The following BCAS3 variants were observed in gnomAD, a reference collection of about 807,000 sequenced individuals.
BCAS3 encodes the protein BCAS4/BCAS3 fusion.
BCAS3 carries 53 observed loss-of-function variants against 116.1 expected under a neutral mutation model. The observed-to-expected ratio is 0.46, with a 90% CI of 0.37 to 0.57. BCAS3 has a LOEUF of 0.57. BCAS3 is among the 20% of genes least tolerant of loss of function. The probability of loss-of-function intolerance (pLI) is 0.00; values close to 1 mark genes in which losing one functional copy is unlikely to be tolerated. For missense variants in BCAS3, 917 were observed against 1,165.4 expected (o/e 0.79, Z 3.10); for synonymous variants, 391 against 408.2 (o/e 0.96, Z 0.51).
chr17:61,110,520 T>C (rs1321340784), intron 22 of BCAS3, among the ~76,000 whole-genome samples: 3 of 151,938 alleles, frequency 2.0e-5, no homozygotes, highest in East Asian at 1.9e-4. Flanking sequence ...CACCTGAATA[T>C]TGCGCTTTTC....
intron 22 of BCAS3, among the ~76,000 whole-genome samples, chr17:61,201,193 T>C (rs1243417520): frequency 6.6e-6 from 1 of 152,220 alleles, no homozygotes; most frequent in Admixed American, 6.5e-5. Context: ...CATTCGCAGG[T>C]ATCTGCTAGA....
intron 8 of BCAS3, among the ~76,000 whole-genome samples, chr17:60,871,604 TTG>T: frequency 6.6e-6 from 1 of 151,600 alleles, no homozygotes; most frequent in African/African-American, 2.4e-5. Context: ...TGGTTTGTTT[TTG>T]TTTTTTTTTT....
intron 7 of BCAS3, among the ~76,000 whole-genome samples, chr17:60,852,919 T>C (rs1346317993): frequency 6.6e-6 from 1 of 152,248 alleles, no homozygotes; most frequent in African/African-American, 2.4e-5. Context: ...ACTCATACCA[T>C]AAGATTAACC....
intron 7 of BCAS3, among the ~76,000 whole-genome samples, chr17:60,840,205 A>G (rs2051770959): frequency 6.6e-6 from 1 of 152,132 alleles, no homozygotes; most frequent in Admixed American, 6.5e-5. Flanking sequence ...ATGAAACTTG[A>G]GTTTTGGAAT....
At chr17:60,809,079 A>G (rs2048545833) in intron 7 of BCAS3, among the ~76,000 whole-genome samples, 1 of 151,934 alleles carries the variant, frequency 6.6e-6, no homozygotes, top group Non-Finnish European at 1.5e-5. Flanking sequence ...AGGTCAGGAG[A>G]TTGAGACCAG....
chr17:61,369,996 C>G (rs1603116469), intron 23 of BCAS3, among the ~76,000 whole-genome samples: 1 of 152,296 alleles, frequency 6.6e-6, no homozygotes. Context: ...TGGCTCTTCT[C>G]TCCCACCGCC....
chr17:60,947,971 C>T (rs993227106), intron 14 of BCAS3, among the ~76,000 whole-genome samples: 2 of 152,140 alleles, frequency 1.3e-5, no homozygotes, highest in East Asian at 1.9e-4. Context: ...TAAACATTTA[C>T]CAGCAGATAA....
In BCAS3 at chr17:61,346,826, G is replaced by A. The variant is rs1364549978; in HGVS notation, c.2426-21501G>A. Among the ~76,000 whole-genome samples, 1 of 152,196 alleles carries A rather than the reference G, an allele frequency of 6.6e-6. No individual in the cohort carries two copies. The highest frequency in any genetic ancestry group is 1.5e-5 in the Non-Finnish European group (1 of 68,048). The stretch of plus-strand genomic sequence containing the variant: ...GGGTTAGCATGTGCTGTGGGGATGT[G>A]GTAGAGGGACTGGTTCCTCATCCAG... On this transcript the variant is annotated intron_variant, in intron 22 of 23. Transcript: ENST00000407086. The surrounding 1 kb of genome is among the most constrained non-coding windows in gnomAD (Gnocchi z 5.4).
chr17:61,091,677 T>C (rs1255658820), intron 22 of BCAS3, among the ~76,000 whole-genome samples: 1 of 152,212 alleles, frequency 6.6e-6, no homozygotes, highest in African/African-American at 2.4e-5. Context: ...CTGGATATTG[T>C]TGAGAACTGT....
intron 22 of BCAS3, among the ~76,000 whole-genome samples, chr17:61,094,471 T>C (rs937470446): frequency 1.3e-5 from 2 of 152,242 alleles, no homozygotes; most frequent in African/African-American, 4.8e-5. Context: ...TTACCAATAA[T>C]AACATTCTAG....
chr17:60,904,263 G>T (rs1270000344), intron 11 of BCAS3, among the ~76,000 whole-genome samples: 1 of 152,032 alleles, frequency 6.6e-6, no homozygotes. Flanking sequence ...TATTAGCTGG[G>T]CATGGTGGCG....
chr17:60,923,087 C>T (rs1822267479), intron 12 of BCAS3, among the ~76,000 whole-genome samples: 1 of 152,016 alleles, frequency 6.6e-6, no homozygotes, highest in Non-Finnish European at 1.5e-5. Context: ...TAATAAAGAT[C>T]TGGATAGAAG....
At position 61,307,752 on chromosome 17, in the gene BCAS3, C is replaced by A. The variant is rs907008407; in HGVS notation, c.2426-60575C>A. Among the ~76,000 whole-genome samples, 5 of 152,134 alleles carry A rather than the reference C, an allele frequency of 3.3e-5. No individual in the cohort carries two copies. Among genetic ancestry groups the A allele is most frequent in the African/African-American group, 1.2e-4 (5 of 41,428 alleles). On this transcript the variant is annotated intron_variant, in intron 22 of 23. Transcript: ENST00000407086. The surrounding 1 kb of genome is among the most constrained non-coding windows in gnomAD (Gnocchi z 4.7). ...CTGAGTAGGGTCTTAATGGCCAGTT[C>A]AAGAAATAATCAAGTTAAGTGTATT...
At chr17:61,116,970 C>A (rs78341845) in intron 22 of BCAS3, among the ~76,000 whole-genome samples, 2,885 of 152,136 alleles carry the variant, frequency 0.019, 94 homozygotes, top group African/African-American at 0.065. Flanking sequence ...TTCTAGTGGG[C>A]TTCTTTGGAA....
intron 16 of BCAS3, chr17:61,027,260 C>A: frequency 2.3e-6 from 1 of 439,158 alleles, no homozygotes; most frequent in Non-Finnish European, 4.2e-6. Flanking sequence ...ACATATCATG[C>A]ATAGCATTTG....
At chr17:60,703,806 C>T (rs1328821662) in intron 4 of BCAS3, among the ~76,000 whole-genome samples, 12 of 149,884 alleles carry the variant, frequency 8.0e-5, no homozygotes, top group African/African-American at 2.7e-4. Context: ...CCCAGCTACT[C>T]GGGAGGCTGA....
rs989612193 is a variant in BCAS3 at position 61,362,743 on chromosome 17, C to T, written c.2426-5584C>T. 2.6e-5 allele frequency: 4 copies of T among 152,236 alleles called. No homozygotes were observed. The highest frequency in any genetic ancestry group is 2.0e-4 in the Admixed American group (3 of 15,282). The allele number at this position is 152,236 out of a possible 1,614,324, so 9.4% of individuals were successfully genotyped here. ...ATTCGGGACACTCACCTGGATGAGA[C>T]CAGCTCTCTCTGCCGTCCTAGACAG... On this transcript the variant is annotated intron_variant, in intron 22 of 23. Transcript: ENST00000407086. The surrounding 1 kb of genome is among the most constrained non-coding windows in gnomAD (Gnocchi z 4.4).
rs1054116880 is a variant in BCAS3, at chr17:61,307,699, C to T, written c.2426-60628C>T. On this transcript the variant is annotated intron_variant, in intron 22 of 23. Coordinates refer to ENST00000407086, the MANE Select transcript of BCAS3 (RefSeq NM_017679.5). This position sits in a 1 kb window ranked among gnomAD's most constrained non-coding sequence, Gnocchi z 4.7. ...AGTGCTCTAAATAAAATTACTTTTT[C>T]CCAAGTGTTCTAGAAAGGGTTACAT... is the stretch of plus-strand genomic sequence containing the variant. Among the ~76,000 whole-genome samples, 5 of 152,180 alleles carry T rather than the reference C, an allele frequency of 3.3e-5. No individual in the cohort carries two copies. Among genetic ancestry groups the T allele is most frequent in the African/African-American group, 1.2e-4 (5 of 41,450 alleles).
chr17:61,209,012 T>C (rs779020514), intron 22 of BCAS3, among the ~76,000 whole-genome samples: 2 of 152,138 alleles, frequency 1.3e-5, no homozygotes, highest in African/African-American at 2.4e-5. Flanking sequence ...TTGAAACATA[T>C]GGTCTCATGT....
Sources: gnomAD v4.1 joint callset for allele counts (sites outside exome capture counted in the v4.1 genomes callset) on GRCh38, gnomAD v4.1.1 for gene constraint, Gnocchi (gnomAD v3.1) non-coding constraint, MANE v1.5 for transcripts, NCBI Gene and HGNC (gene_info 2026-07-23, HGNC 2026-07-21) for gene names.